Variants in KMT5B observed in about 807,000 individuals in gnomAD.
KMT5B encodes the protein lysine methyltransferase 5B, also known as histone-lysine N-methyltransferase KMT5B.
A neutral mutation model predicts 83.2 loss-of-function variants in KMT5B; 10 were observed. That is an observed-to-expected ratio of 0.12 (90% CI 0.07 to 0.20). The LOEUF is 0.20. Among genes scored for constraint, KMT5B ranks in the 10% least tolerant of loss-of-function variants. KMT5B has a pLI of 1.00. For synonymous variants in KMT5B, 349 were observed against 388.8 expected (o/e 0.90, Z 1.20); for missense variants, 753 against 1,067.2 (o/e 0.71, Z 4.10).
chr11:68,166,720 C>A, intron 10 of KMT5B: 1 of 1,315,264 alleles, frequency 7.6e-7, no homozygotes, highest in Non-Finnish European at 9.7e-7. Context: ...ATATGATGAC[C>A]TTGGAACATA....
chr11:68,204,783 A>C (rs1859879663), intron 1 of KMT5B, among the ~76,000 whole-genome samples: 1 of 151,830 alleles, frequency 6.6e-6, no homozygotes, highest in African/African-American at 2.4e-5. Flanking sequence ...CGCCAGGCTA[A>C]TTTTTGTATT....
At chr11:68,211,408 C>A (rs538585074) in intron 1 of KMT5B, among the ~76,000 whole-genome samples, 1 of 152,226 alleles carries the variant, frequency 6.6e-6, no homozygotes, top group African/African-American at 2.4e-5. Flanking sequence ...ACCCTACTCT[C>A]TTATTGAAGA....
Position 68,159,081 on chromosome 11 carries a change from G to T in KMT5B, c.1265C>A (p.Ser422Tyr). 1.2e-6 allele frequency: 2 copies of T among 1,608,226 alleles called. No homozygotes were observed. The highest frequency in any genetic ancestry group is 1.3e-5 in the African/African-American group (1 of 74,568). ...AGTTAGCTTAGATGAGGTAGAGTTGGAAGAAGCTGGAATTCTTGACATAGA... is the reference window on the plus strand; with the variant it reads ...AGTTAGCTTAGATGAGGTAGAGTTGTAAGAAGCTGGAATTCTTGACATAGA... Reference protein sequence around the residue: ...RQSMSRIPASSNSTSSKLTHI... With the variant: ...RQSMSRIPASYNSTSSKLTHI... The change falls in exon 11 of 11, where the codon TCC becomes TAC. Residue 422 changes from serine (S) to tyrosine (Y), a missense_variant. Around this residue, in one of 9 missense-constraint regions of KMT5B, gnomAD observed 397 missense variants for 395.9 expected, o/e 1.00. Coordinates refer to ENST00000304363, the MANE Select transcript of KMT5B (RefSeq NM_017635.5).
At chr11:68,188,992 C>T (rs1028523077) in intron 2 of KMT5B, among the ~76,000 whole-genome samples, 21 of 152,144 alleles carry the variant, frequency 1.4e-4, no homozygotes, top group African/African-American at 4.6e-4. Flanking sequence ...CAACAGTGAC[C>T]TGATCTGAAA....
intron 4 of KMT5B, among the ~76,000 whole-genome samples, chr11:68,175,426 T>C (rs1320900886): frequency 6.6e-6 from 1 of 152,234 alleles, no homozygotes; most frequent in African/African-American, 2.4e-5. Flanking sequence ...TTCACTGTTA[T>C]CTCAGTAACT....
At position 68,157,998 on chromosome 11, in the gene KMT5B, C is replaced by G; in HGVS notation, c.2348G>C (p.Arg783Pro). The G allele has an allele frequency of 6.2e-7, 1 of 1,614,134 alleles. No homozygotes were observed. Among genetic ancestry groups the G allele is most frequent in the South Asian group, 1.1e-5 (1 of 91,078 alleles). Residue 783 changes from arginine (R) to proline (P), a missense_variant, in exon 11 of 11, where the codon CGA becomes CCA. Arg to Pro is a moderately radical substitution (Grantham distance 103). Transcript: ENST00000304363. Reference sequence around the variant, plus strand: ...ATAAGACCCCCTATTTTCCTCATCTCGTTTTAGCTGGATTTTTAATTTTGT... The same window carrying G: ...ATAAGACCCCCTATTTTCCTCATCTGGTTTTAGCTGGATTTTTAATTTTGT... Reference protein sequence around the residue: ...SSTKLKIQLKRDEENRGSYTE... With the variant: ...SSTKLKIQLKPDEENRGSYTE...
chr11:68,175,312 G>A (rs1270644557), intron 4 of KMT5B, 129 bp from the exon 5 acceptor site: 4 of 642,958 alleles, frequency 6.2e-6, no homozygotes, highest in Admixed American at 6.5e-5. Flanking sequence ...AGATCTAAGA[G>A]AAGAGAACAA....
At chr11:68,204,759 G>C (rs1357125539) in intron 1 of KMT5B, among the ~76,000 whole-genome samples, 2 of 151,894 alleles carry the variant, frequency 1.3e-5, no homozygotes, top group African/African-American at 4.8e-5. Flanking sequence ...TGGGATTATA[G>C]GCACCTGCTG....
At chr11:68,175,242 A>C in intron 4 of KMT5B, 59 bp from the exon 5 acceptor site, 3 of 1,347,070 alleles carry the variant, frequency 2.2e-6, no homozygotes, top group Non-Finnish European at 3.1e-6. Context: ...CCACTGATCC[A>C]TCTTAACAGA....
At chr11:68,197,363 AC>A (rs1858849718) in intron 1 of KMT5B, among the ~76,000 whole-genome samples, 1 of 152,094 alleles carries the variant, frequency 6.6e-6, no homozygotes, top group Admixed American at 6.6e-5. Context: ...TTGTAGTAAG[AC>A]CTCCAGGTGA....
chr11:68,193,408 G>A (rs1858322957), intron 1 of KMT5B, among the ~76,000 whole-genome samples: 1 of 151,986 alleles, frequency 6.6e-6, no homozygotes, highest in South Asian at 2.1e-4. Flanking sequence ...CACAAAACAT[G>A]AATTTTTACT....
chr11:68,165,726 T>C (rs1039522175), intron 10 of KMT5B: 4 of 1,409,222 alleles, frequency 2.8e-6, no homozygotes, highest in East Asian at 2.6e-5. Flanking sequence ...ATGGTCGTTA[T>C]GCTGCATTTA....
At chr11:68,172,598 G>T (rs956473390) in intron 6 of KMT5B, among the ~76,000 whole-genome samples, 1 of 152,078 alleles carries the variant, frequency 6.6e-6, no homozygotes, top group African/African-American at 2.4e-5. Context: ...CTATGAATGG[G>T]AATAAAATTT....
Position 68,167,028 on chromosome 11 carries a change from G to A in KMT5B, c.1128C>T (p.Val376=). The A allele has an allele frequency of 6.2e-7, 1 of 1,614,102 alleles. No homozygotes were observed. The highest frequency in any genetic ancestry group is 8.5e-7 in the Non-Finnish European group (1 of 1,179,988). Residue 376 remains valine (V), a synonymous_variant, in exon 10 of 11, where the codon GTC becomes GTT. Transcript: ENST00000304363. ...DSSKNSDSQS[V]SSNTDADTTQ... is the part of the protein sequence containing the mutation. ...TGGTATCTGCATCAGTGTTAGAGCT[G>A]ACAGATTGACTGTCTGAATTTTTGC...
chr11:68,169,337 C>G (rs1372313926), intron 9 of KMT5B, among the ~76,000 whole-genome samples: 1 of 152,158 alleles, frequency 6.6e-6, no homozygotes, highest in Non-Finnish European at 1.5e-5. Context: ...AGGACCGCCT[C>G]CAAAAACTTC....
intron 1 of KMT5B, among the ~76,000 whole-genome samples, chr11:68,201,567 A>T (rs1165063791): frequency 6.6e-6 from 1 of 152,116 alleles, no homozygotes; most frequent in Non-Finnish European, 1.5e-5. Flanking sequence ...TATCCTAAAA[A>T]CAAACTAAGA....
intron 2 of KMT5B, among the ~76,000 whole-genome samples, chr11:68,186,129 G>A (rs1409671495): frequency 3.3e-5 from 5 of 152,122 alleles, no homozygotes; most frequent in East Asian, 1.9e-4. Flanking sequence ...GAGTATTATC[G>A]TTAGCAGGTA....
At chr11:68,182,574 T>C (rs1565237244) in intron 3 of KMT5B, among the ~76,000 whole-genome samples, 1 of 152,070 alleles carries the variant, frequency 6.6e-6, no homozygotes, top group Middle Eastern at 3.2e-3. Context: ...TCCTCCCACC[T>C]TGCCCTCCCA....
At chr11:68,208,263 A>G (rs1282773534) in intron 1 of KMT5B, among the ~76,000 whole-genome samples, 1 of 151,636 alleles carries the variant, frequency 6.6e-6, no homozygotes, top group Non-Finnish European at 1.5e-5. Context: ...CCTGGCCAAC[A>G]TGGTGAAACC....
Sources: allele counts gnomAD v4.1 joint callset (sites outside exome capture counted in the v4.1 genomes callset), GRCh38; gene constraint gnomAD v4.1.1; regional missense constraint gnomAD v4.1.1; transcripts MANE v1.5; gene names NCBI Gene and HGNC (gene_info 2026-07-23, HGNC 2026-07-21).